Variants in ABCB5 observed in about 807,000 individuals in gnomAD.
The protein encoded by ABCB5 is ATP binding cassette subfamily B member 5.
ABCB5 carries 155 observed loss-of-function variants against 144.2 expected under a neutral mutation model. The observed-to-expected ratio is 1.08, with a 90% CI of 0.94 to 1.23. ABCB5 has a LOEUF of 1.23. ABCB5 is among the 50% of genes most tolerant of loss of function. ABCB5 has a pLI of 0.00. For synonymous variants in ABCB5, 610 were observed against 528.6 expected, an observed-to-expected ratio of 1.15 and a Z score of -2.11; for missense variants, 1,830 against 1,520.8, an observed-to-expected ratio of 1.20 and a Z score of -3.38.
intron 3 of ABCB5, among the ~76,000 whole-genome samples, chr7:20,627,340 G>C (rs528215453): frequency 1.3e-5 from 2 of 152,268 alleles, no homozygotes; most frequent in East Asian, 1.9e-4. Flanking sequence ...CTCTCTTAAT[G>C]TCCGTAATGC....
At chr7:20,682,441 G>C (rs1246375584) in intron 15 of ABCB5, among the ~76,000 whole-genome samples, 2 of 152,164 alleles carry the variant, frequency 1.3e-5, no homozygotes, top group East Asian at 3.9e-4. Context: ...GGTCTTTAAG[G>C]TTAAAAGGTG....
In ABCB5 at chr7:20,699,904, T is replaced by C. The variant is rs535180567; in HGVS notation, c.2234T>C (p.Ile745Thr). The C allele has an allele frequency of 2.5e-6, 4 of 1,612,982 alleles. No individual in the cohort carries two copies. Among genetic ancestry groups the C allele is most frequent in the Middle Eastern group, 1.7e-4 (1 of 6,056 alleles). The change falls in exon 18 of 28, where the codon ATT (isoleucine) becomes ACT (threonine). Residue 745 changes from isoleucine (I) to threonine (T), a missense_variant. Coordinates refer to ENST00000404938, the MANE Select transcript of ABCB5 (RefSeq NM_001163941.2). ...ATGATATTCGTCATTTTGGGTGTTA[T>C]TTGCTTTGTCAGTTATTTCATGCAG... ...YSMIFVILGV[I>T]CFVSYFMQGL...
chr7:20,657,355 C>T (rs1784843909), intron 13 of ABCB5, among the ~76,000 whole-genome samples: 1 of 152,170 alleles, frequency 6.6e-6, no homozygotes, highest in South Asian at 2.1e-4. Flanking sequence ...TCAAATGTAA[C>T]AGCTTTGTGT....
intron 21 of ABCB5, 66 bp downstream of exon 21, chr7:20,723,285 T>A (rs995894127): frequency 6.8e-7 from 1 of 1,477,536 alleles, no homozygotes; most frequent in African/African-American, 1.4e-5. Context: ...CTTTATGATA[T>A]GTTAACTATA....
At chr7:20,628,542 T>G (rs1562527745) in intron 3 of ABCB5, 146 bp from the exon 4 acceptor site, 2 of 741,366 alleles carry the variant, frequency 2.7e-6, no homozygotes, top group Non-Finnish European at 4.2e-6. Context: ...TACATATCTA[T>G]GATTTTATGC....
chr7:20,678,097 A>G (rs935245432), intron 14 of ABCB5, among the ~76,000 whole-genome samples: 7 of 152,244 alleles, frequency 4.6e-5, no homozygotes, highest in African/African-American at 9.6e-5. Context: ...CATAGATCCA[A>G]TAAGTAAGAA....
chr7:20,681,977 C>T (rs540595267), intron 15 of ABCB5, among the ~76,000 whole-genome samples: 4 of 152,034 alleles, frequency 2.6e-5, no homozygotes, highest in South Asian at 2.1e-4. Context: ...GAGGTCGAGG[C>T]GGGCGGATCA....
At chr7:20,644,096 T>G (rs1430855790) in intron 7 of ABCB5, among the ~76,000 whole-genome samples, 1 of 152,114 alleles carries the variant, frequency 6.6e-6, no homozygotes, top group Non-Finnish European at 1.5e-5. Flanking sequence ...AAAGTTTTTT[T>G]TTTTTTTGAG....
chr7:20,715,542 C>A (rs746580830), intron 20 of ABCB5, among the ~76,000 whole-genome samples: 5 of 151,064 alleles, frequency 3.3e-5, no homozygotes, highest in Non-Finnish European at 5.9e-5. Context: ...TCCCAAGTAG[C>A]TGGAACCAGG....
chr7:20,633,220 G>T (rs1488873592), intron 5 of ABCB5, among the ~76,000 whole-genome samples: 1 of 151,918 alleles, frequency 6.6e-6, no homozygotes, highest in East Asian at 1.9e-4. Context: ...AATTTATAAG[G>T]ATGTTCTGTT....
intron 21 of ABCB5, 51 bp from the exon 22 acceptor site, chr7:20,726,989 G>C: frequency 7.4e-7 from 1 of 1,343,454 alleles, no homozygotes; most frequent in Non-Finnish European, 1.0e-6. Flanking sequence ...AATGGGAAAA[G>C]ATTAACCATT....
intron 14 of ABCB5, among the ~76,000 whole-genome samples, chr7:20,674,749 TACACACACACAC>T (rs71555815): frequency 9.3e-5 from 13 of 140,264 alleles, no homozygotes; most frequent in Non-Finnish European, 1.6e-4. Context: ...CTCTAAAGAC[TACACACACACAC>T]ACACACACAC....
At chr7:20,656,424 AC>A (rs1376910606) in intron 13 of ABCB5, among the ~76,000 whole-genome samples, 1 of 152,166 alleles carries the variant, frequency 6.6e-6, no homozygotes, top group African/African-American at 2.4e-5. Flanking sequence ...TGATGAGGAG[AC>A]AAAAAATAGA....
At chr7:20,638,899 T>C (rs928051820) in intron 5 of ABCB5, among the ~76,000 whole-genome samples, 1 of 152,090 alleles carries the variant, frequency 6.6e-6, no homozygotes. Context: ...CTGGGTCATA[T>C]GGTAAATTTA....
chr7:20,633,479 A>C (rs1442393937), intron 5 of ABCB5, among the ~76,000 whole-genome samples: 1 of 152,172 alleles, frequency 6.6e-6, no homozygotes, highest in African/African-American at 2.4e-5. Context: ...TTAATTAAAA[A>C]AATTATAATT....
chr7:20,666,609 T>C, intron 14 of ABCB5: 1 of 1,050,808 alleles, frequency 9.5e-7, no homozygotes, highest in Non-Finnish European at 1.3e-6. Context: ...TAAAGTAATC[T>C]GAAAAATGTC....
intron 26 of ABCB5, among the ~76,000 whole-genome samples, chr7:20,746,440 C>G (rs558179981): frequency 1.8e-4 from 28 of 152,310 alleles, no homozygotes; most frequent in African/African-American, 6.5e-4. Flanking sequence ...GTTACCTTTG[C>G]AGAGGCTTTC....
chr7:20,666,744 T>A (rs371559023), intron 14 of ABCB5: 5 of 1,598,446 alleles, frequency 3.1e-6, no homozygotes. Flanking sequence ...ATTCTTTCAA[T>A]ATTGTATTTT....
At position 20,648,031 on chromosome 7, in the gene ABCB5, G is replaced by A. The variant is rs761690956; in HGVS notation, c.1159G>A (p.Glu387Lys). The part of the protein sequence containing the change: ...YKPESIEGTV[E>K]FKNVSFNYPS... ...ACCTGAATCCATAGAAGGAACTGTGGAATTTAAAAATGTTTCTTTCAATTA... is the reference window on the plus strand; with the variant it reads ...ACCTGAATCCATAGAAGGAACTGTGAAATTTAAAAATGTTTCTTTCAATTA... The change falls in exon 11 of 28, where the codon GAA becomes AAA. Residue 387 changes from glutamate to lysine, a missense_variant. Glu to Lys is a moderately conservative substitution (Grantham distance 56, BLOSUM62 1). Transcript: ENST00000404938. The A allele has an allele frequency of 9.9e-6, 16 of 1,611,722 alleles. No individual in the cohort carries two copies. Among genetic ancestry groups the A allele is most frequent in the Non-Finnish European group, 1.4e-5 (16 of 1,178,430 alleles).
Sources: allele counts gnomAD v4.1 joint callset (sites outside exome capture counted in the v4.1 genomes callset), GRCh38; gene constraint gnomAD v4.1.1; transcripts MANE v1.5; gene names NCBI Gene and HGNC (gene_info 2026-07-23, HGNC 2026-07-21).